TNFRSF19: variants seen among roughly 807,000 people sequenced by gnomAD.
TNFRSF19 encodes the protein tumor necrosis factor receptor superfamily member 19.
TNFRSF19 carries 27 observed loss-of-function variants against 46.4 expected under a neutral mutation model. That is an observed-to-expected ratio of 0.58 (90% CI 0.43 to 0.80). TNFRSF19 has a LOEUF of 0.80. TNFRSF19 is among the 30% of genes least tolerant of loss of function. The probability of loss-of-function intolerance (pLI) is 0.00; values close to 1 mark genes in which losing one functional copy is unlikely to be tolerated. For missense variants in TNFRSF19, 511 were observed against 530.8 expected, an observed-to-expected ratio of 0.96 and a Z score of 0.37; for synonymous variants, 204 against 205.0, an observed-to-expected ratio of 1.00 and a Z score of 0.04.
At chr13:23,662,968 A>G (rs1266699280) in intron 7 of TNFRSF19, among the ~76,000 whole-genome samples, 1 of 152,102 alleles carries the variant, frequency 6.6e-6, no homozygotes, top group Admixed American at 6.5e-5. Context: ...GCAAACAGGG[A>G]TAGTTTGACT....
intron 4 of TNFRSF19, among the ~76,000 whole-genome samples, chr13:23,620,490 C>T (rs1881583683): frequency 6.6e-6 from 1 of 152,188 alleles, no homozygotes; most frequent in Non-Finnish European, 1.5e-5. Flanking sequence ...CCCCTTATTC[C>T]CACATCTGCT....
intron 1 of TNFRSF19, among the ~76,000 whole-genome samples, chr13:23,574,533 GC>G (rs1202078984): frequency 6.6e-6 from 1 of 151,856 alleles, no homozygotes; most frequent in Non-Finnish European, 1.5e-5. Context: ...TGTCAGGATG[GC>G]CATAAAGGAC....
intron 3 of TNFRSF19, among the ~76,000 whole-genome samples, chr13:23,610,149 G>A (rs1880796356): frequency 6.6e-6 from 1 of 152,088 alleles, no homozygotes; most frequent in South Asian, 2.1e-4. Context: ...AGTTAATAAC[G>A]CACTGGCTGT....
intron 5 of TNFRSF19, among the ~76,000 whole-genome samples, chr13:23,631,990 C>T (rs935986428): frequency 2.0e-5 from 3 of 152,184 alleles, no homozygotes; most frequent in African/African-American, 7.2e-5. Flanking sequence ...CTGGGAATGT[C>T]ATGTGATTTT....
intron 5 of TNFRSF19, among the ~76,000 whole-genome samples, chr13:23,640,572 C>T (rs1882978735): frequency 6.6e-6 from 1 of 152,178 alleles, no homozygotes; most frequent in Non-Finnish European, 1.5e-5. Context: ...TCTTCTTTCT[C>T]CTAACCACCT....
At chr13:23,577,007 T>G (rs1878000408) in intron 1 of TNFRSF19, among the ~76,000 whole-genome samples, 2 of 152,248 alleles carry the variant, frequency 1.3e-5, no homozygotes, top group Non-Finnish European at 2.9e-5. Flanking sequence ...GAATGGCTAT[T>G]TAGTAAGTGC....
At chr13:23,657,755 G>A (rs1449606675) in intron 5 of TNFRSF19, among the ~76,000 whole-genome samples, 1 of 152,024 alleles carries the variant, frequency 6.6e-6, no homozygotes, top group East Asian at 1.9e-4. Flanking sequence ...GCGCAGTGGT[G>A]CGATCACAGC....
At position 23,630,555 on chromosome 13, in the gene TNFRSF19, G is replaced by T. The variant is rs1274402180; in HGVS notation, c.445+3763G>T. ...TTAATGTGTGATACTGACTGGCTGG[G>T]CATGGAGCTCAGGGTTGATGAGTGA... On this transcript the variant is annotated intron_variant, in intron 5 of 9. Coordinates refer to ENST00000248484, the MANE Select transcript of TNFRSF19 (RefSeq NM_148957.4). 2.6e-5 allele frequency among the ~76,000 whole-genome samples: 4 copies of T among 152,144 alleles called. No homozygotes were observed. The East Asian group carries it at 7.7e-4, about 29-fold the overall frequency.
chr13:23,637,936 A>G (rs1295765690), intron 5 of TNFRSF19, among the ~76,000 whole-genome samples: 2 of 152,252 alleles, frequency 1.3e-5, no homozygotes, highest in African/African-American at 2.4e-5. Flanking sequence ...TCAAAGGGTT[A>G]AGGAGAGTCC....
chr13:23,654,365 A>G lies in TNFRSF19; in HGVS notation c.446-4685A>G, dbSNP rs932731220. Among the ~76,000 whole-genome samples the G allele has an allele frequency of 2.6e-5, 4 of 151,968 alleles. No homozygotes were observed. In the South Asian group the frequency reaches 8.3e-4, roughly 32 times the overall value. ...TTCCAGATGCAGTCACCTCCACAGA[A>G]TGCCCCCCGCCCCTGCCCCAGGACA... On this transcript the variant is annotated intron_variant, in intron 5 of 9. Transcript: ENST00000248484.
At chr13:23,590,088 G>T in intron 1 of TNFRSF19, 62 bp from the exon 2 acceptor site, 1 of 776,674 alleles carries the variant, frequency 1.3e-6, no homozygotes, top group Non-Finnish European at 2.1e-6. Context: ...ATATTATATA[G>T]TAAACAAAGC....
chr13:23,583,443 A>G (rs951250176), intron 1 of TNFRSF19, among the ~76,000 whole-genome samples: 1 of 152,218 alleles, frequency 6.6e-6, no homozygotes, highest in African/African-American at 2.4e-5. Flanking sequence ...AAATGTTTAC[A>G]TTTAAAAGTA....
At position 23,641,043 on chromosome 13, in the gene TNFRSF19, T is replaced by A. The variant is rs376763338; in HGVS notation, c.445+14251T>A. On this transcript the variant is annotated intron_variant, in intron 5 of 9. Coordinates refer to ENST00000248484, the MANE Select transcript of TNFRSF19 (RefSeq NM_148957.4). ...CTAGGGAGGAAATAGTCATACTGTT[T>A]TAGTTCGTTTAATAAAAGATTCCAT... 9.8e-4 allele frequency among the ~76,000 whole-genome samples: 149 copies of A among 152,356 alleles called. 3 individuals carry two copies. In the South Asian group the frequency reaches 0.029, roughly 30 times the overall value.
At chr13:23,644,081 T>A (rs1024799377) in intron 5 of TNFRSF19, among the ~76,000 whole-genome samples, 11 of 152,282 alleles carry the variant, frequency 7.2e-5, no homozygotes, top group Non-Finnish European at 1.5e-4. Flanking sequence ...TACATTTAAA[T>A]CACAAAAGGG....
chr13:23,621,833 C>T (rs1165092311), intron 4 of TNFRSF19, among the ~76,000 whole-genome samples: 1 of 151,906 alleles, frequency 6.6e-6, no homozygotes, highest in Non-Finnish European at 1.5e-5. Flanking sequence ...ACCTGTAGTC[C>T]CAGCTACTTG....
chr13:23,626,223 G>GTGTGTGT (rs1566194534), intron 4 of TNFRSF19, among the ~76,000 whole-genome samples: 1 of 146,930 alleles, frequency 6.8e-6, no homozygotes, highest in Non-Finnish European at 1.5e-5. Flanking sequence ...GTGTGTGTGT[G>GTGTGTGT]GTTGCTGTTC....
At chr13:23,590,063 TA>T (rs1254309014) in intron 1 of TNFRSF19, 86 bp from the exon 2 acceptor site, 2 of 594,714 alleles carry the variant, frequency 3.4e-6, no homozygotes, top group African/African-American at 3.9e-5. Context: ...ACCTAGTCTA[TA>T]TAGTAAGTGG....
chr13:23,595,747 G>A, intron 3 of TNFRSF19, among the ~76,000 whole-genome samples: 1 of 152,072 alleles, frequency 6.6e-6, no homozygotes, highest in East Asian at 1.9e-4. Context: ...TCAAATTCAG[G>A]AAATACAGAG....
intron 7 of TNFRSF19, among the ~76,000 whole-genome samples, chr13:23,667,342 T>A (rs932495138): frequency 6.6e-6 from 1 of 152,190 alleles, no homozygotes; most frequent in African/African-American, 2.4e-5. Flanking sequence ...TGTGCACATA[T>A]CTACTTATTC....
Sources: allele counts gnomAD v4.1 joint callset (sites outside exome capture counted in the v4.1 genomes callset), GRCh38; gene constraint gnomAD v4.1.1; transcripts MANE v1.5; gene names NCBI Gene and HGNC (gene_info 2026-07-23, HGNC 2026-07-21).